The following MYH13 variants were observed in gnomAD, a reference collection of about 807,000 sequenced individuals.
MYH13 encodes the protein myosin heavy chain 13, also known as myosin-13.
In MYH13, 177 loss-of-function variants were observed where a neutral mutation model predicts 232.1. That is an observed-to-expected ratio of 0.76 (90% CI 0.67 to 0.86). MYH13 has a LOEUF of 0.86. Among genes scored for constraint, MYH13 ranks in the 40% least tolerant of loss-of-function variants. The pLI, the probability that MYH13 is intolerant of heterozygous loss-of-function variation, is 0.00. For missense variants in MYH13, 2,246 were observed against 2,405.9 expected, an observed-to-expected ratio of 0.93 and a Z score of 1.39; for synonymous variants, 884 against 923.5, an observed-to-expected ratio of 0.96 and a Z score of 0.78.
At chr17:10,312,908 G>GT (rs1279086778) in intron 30 of MYH13, among the ~76,000 whole-genome samples, 151 bp from the exon 31 acceptor site, 2 of 151,948 alleles carry the variant, frequency 1.3e-5, no homozygotes, top group Non-Finnish European at 2.9e-5. Context: ...GGATCCAAGT[G>GT]TCACCGAGAG....
At chr17:10,328,303 G>A (rs1398548280) in intron 21 of MYH13, among the ~76,000 whole-genome samples, 182 bp from the exon 22 acceptor site, 1 of 152,172 alleles carries the variant, frequency 6.6e-6, no homozygotes, top group Non-Finnish European at 1.5e-5. Flanking sequence ...AGGAAACAGA[G>A]GTACGTGCAC....
chr17:10,358,927 G>A (rs1364819267), intron 7 of MYH13, among the ~76,000 whole-genome samples: 1 of 152,222 alleles, frequency 6.6e-6, no homozygotes, highest in Non-Finnish European at 1.5e-5. Flanking sequence ...CTCCAGAGGA[G>A]GATGTGGAGT....
chr17:10,368,681 T>G (rs1263498416), intron 2 of MYH13, among the ~76,000 whole-genome samples: 1 of 152,214 alleles, frequency 6.6e-6, no homozygotes, highest in Non-Finnish European at 1.5e-5. Context: ...AAATAACAGC[T>G]GGGTATTATT....
intron 16 of MYH13, among the ~76,000 whole-genome samples, chr17:10,342,646 A>G (rs2071627032): frequency 6.6e-6 from 1 of 150,834 alleles, no homozygotes; most frequent in African/African-American, 2.4e-5. Context: ...GATACATGCT[A>G]CAACAGGGCC....
At position 10,306,196 on chromosome 17, in the gene MYH13, T is replaced by G. The variant is rs1333229456; in HGVS notation, c.5466+263A>C. 6.7e-6 allele frequency among the ~76,000 whole-genome samples: 1 copy of G among 149,274 alleles called. No homozygotes were observed. The highest frequency in any genetic ancestry group is 1.5e-5 in the Non-Finnish European group (1 of 67,424). ...ACATACATCATTATATTACATTTACTGAGGTGTGAGCATACCAAAATAGAT... is the reference window on the plus strand; with the variant it reads ...ACATACATCATTATATTACATTTACGGAGGTGTGAGCATACCAAAATAGAT... On this transcript the variant is annotated intron_variant, in intron 37 of 40. Transcript: ENST00000252172. This position sits in a 1 kb window ranked among gnomAD's most constrained non-coding sequence, Gnocchi z 4.3.
At chr17:10,360,329 T>A in intron 5 of MYH13, 141 bp from the exon 6 acceptor site, 1 of 1,012,542 alleles carries the variant, frequency 9.9e-7, no homozygotes, top group Non-Finnish European at 1.5e-6. Flanking sequence ...TGGGCATGTC[T>A]AATCTTCTTT....
At position 10,343,992 on chromosome 17, in the gene MYH13, G is replaced by A. The variant is rs144732640; in HGVS notation, c.1702C>T (p.Pro568Ser). ...HLGKSNNFQK[P>S]KPAKGKAEAH... Reference sequence around the variant, plus strand: ...TCAGCCTTGCCTTTGGCAGGCTTGGGCTTCTGGAAGTTGTTGGATTTTCCA... The same window carrying A: ...TCAGCCTTGCCTTTGGCAGGCTTGGACTTCTGGAAGTTGTTGGATTTTCCA... The change falls in exon 16 of 41, where the codon CCC (proline) becomes TCC (serine). Residue 568 changes from proline (P) to serine (S), a missense_variant. Coordinates refer to ENST00000252172, the MANE Select transcript of MYH13 (RefSeq NM_003802.3). 3.1e-6 allele frequency: 5 copies of A among 1,614,098 alleles called. No individual in the cohort carries two copies. The Admixed American group carries it at 5.0e-5, about 16-fold the overall frequency.
At chr17:10,364,306 A>G (rs372875831) in intron 3 of MYH13, 21 bp downstream of exon 3, 2 of 1,601,198 alleles carry the variant, frequency 1.2e-6, no homozygotes, top group Non-Finnish European at 1.7e-6. Flanking sequence ...ATTATCAAAG[A>G]CATCTGTAAT....
At chr17:10,315,559 G>A (rs780857636) in intron 29 of MYH13, 134 bp downstream of exon 29, 26 of 755,374 alleles carry the variant, frequency 3.4e-5, no homozygotes, top group Non-Finnish European at 5.6e-5. Context: ...CTCCCAAAGT[G>A]CTGGGATTAC....
rs1189731591 is a variant in MYH13 at position 10,328,026 on chromosome 17, A to G, written c.2531T>C (p.Leu844Pro). 6.2e-7 allele frequency: 1 copy of G among 1,613,958 alleles called. No homozygotes were observed. Among genetic ancestry groups the G allele is most frequent in the African/African-American group, 1.3e-5 (1 of 74,862 alleles). Reference protein sequence around the residue: ...MNLFFKIKPLLKSAEAEKEMA... With the variant: ...MNLFFKIKPLPKSAEAEKEMA... The stretch of plus-strand genomic sequence containing the variant: ...CTCCTTCTCGGCCTCTGCACTCTTC[A>G]GCAGGGGCTTGATTTTGAAGAACAG... The change falls in exon 22 of 41, where the codon CTG (leucine) becomes CCG (proline). Residue 844 changes from leucine (L) to proline (P), a missense_variant. Coordinates refer to ENST00000252172, the MANE Select transcript of MYH13 (RefSeq NM_003802.3).
At chr17:10,317,480 C>G (rs1399473897) in intron 27 of MYH13, 1 of 152,360 alleles carries the variant, frequency 6.6e-6, no homozygotes, top group Non-Finnish European at 1.5e-5. Context: ...TTCATATCTC[C>G]CTTCCTTTTC....
intron 37 of MYH13, among the ~76,000 whole-genome samples, chr17:10,305,109 T>A (rs74774162): frequency 6.6e-6 from 1 of 152,330 alleles, no homozygotes; most frequent in South Asian, 2.1e-4. Context: ...CTACAAAACA[T>A]TTGTTTTCCT....
chr17:10,357,651 G>A (rs2071759007), intron 8 of MYH13, 84 bp downstream of exon 8: 2 of 1,278,440 alleles, frequency 1.6e-6, no homozygotes, highest in Non-Finnish European at 2.2e-6. Context: ...ATATATTCCA[G>A]TTTATGGGGC....
intron 22 of MYH13, among the ~76,000 whole-genome samples, chr17:10,325,967 G>A (rs1018657228): frequency 5.3e-5 from 8 of 152,184 alleles, no homozygotes; most frequent in African/African-American, 1.2e-4. Flanking sequence ...GAGCCACCAC[G>A]CCCGGCCCAT....
chr17:10,324,725 G>A (rs1014938958), intron 22 of MYH13: 1 of 151,892 alleles, frequency 6.6e-6, no homozygotes, highest in Non-Finnish European at 1.4e-5. Flanking sequence ...GGGATTACAG[G>A]CATGAGTCAC....
At chr17:10,343,439 C>T (rs113354880) in intron 16 of MYH13, among the ~76,000 whole-genome samples, 20 of 152,302 alleles carry the variant, frequency 1.3e-4, no homozygotes, top group African/African-American at 4.1e-4. Context: ...CTCAAGTGAT[C>T]GGCCCCCGCC....
intron 8 of MYH13, among the ~76,000 whole-genome samples, chr17:10,355,664 G>C (rs11655678): frequency 0.2 from 29,753 of 151,960 alleles, 3,835 homozygotes; most frequent in Non-Finnish European, 0.29. Flanking sequence ...ACCTGTCCCT[G>C]TTCCCACAAC....
chr17:10,310,345 G>A (rs1274522406), intron 33 of MYH13, among the ~76,000 whole-genome samples: 2 of 151,860 alleles, frequency 1.3e-5, no homozygotes, highest in Non-Finnish European at 2.9e-5. Context: ...TGCCTGCCTC[G>A]GCCTCCCAAA....
chr17:10,320,073 A>G (rs1906876284), intron 26 of MYH13, 80 bp downstream of exon 26: 2 of 1,072,230 alleles, frequency 1.9e-6, no homozygotes, highest in South Asian at 1.5e-5. Context: ...AGAAGCAGCT[A>G]AAGAAACAAG....
Sources: allele counts gnomAD v4.1 joint callset (sites outside exome capture counted in the v4.1 genomes callset), GRCh38; gene constraint gnomAD v4.1.1; non-coding constraint Gnocchi (gnomAD v3.1); transcripts MANE v1.5; gene names NCBI Gene and HGNC (gene_info 2026-07-23, HGNC 2026-07-21).